Variants in OR4K13 observed in about 807,000 individuals in gnomAD.
The protein encoded by OR4K13 is olfactory receptor 4K13.
For synonymous variants in OR4K13, 160 were observed against 134.8 expected (o/e 1.19, Z -1.30); for missense variants, 403 against 366.0 (o/e 1.10, Z -0.82).
rs552941006 is a variant in OR4K13, at chr14:20,034,209, C to G, written c.550G>C (p.Val184Leu). The change falls in exon 2 of 2, where the codon GTG (valine) becomes CTG (leucine). Residue 184 changes from valine to leucine, a missense_variant. Val to Leu is a conservative substitution (Grantham distance 32). Coordinates refer to ENST00000641904, the MANE Select transcript of OR4K13 (RefSeq NM_001004714.2). The part of the protein sequence containing the change: ...IDSFFCDLPL[V>L]IKLACKDTYI... The stretch of plus-strand genomic sequence containing the variant: ...GTGTCCTTGCAGGCAAGTTTAATCA[C>G]AAGGGGAAGGTCACAGAAAAAGCTG... 6.2e-7 allele frequency: 1 copy of G among 1,614,112 alleles called. No homozygotes were observed. Among genetic ancestry groups the G allele is most frequent in the African/African-American group, 1.3e-5 (1 of 75,050 alleles).
At chr14:20,035,512 GTTCA>G (rs1245308590) in intron 1 of OR4K13, 1 of 130,182 alleles carries the variant, frequency 7.7e-6, no homozygotes, top group African/African-American at 2.7e-5. Context: ...TATATAATTC[GTTCA>G]TTCAACATTT....
chr14:20,036,032 A>T lies in OR4K13; in HGVS notation c.-318T>A, dbSNP rs887155507. On this transcript the variant is annotated 5_prime_UTR_variant, in exon 1 of 2. Coordinates refer to ENST00000641904, the MANE Select transcript of OR4K13 (RefSeq NM_001004714.2). ...TCCTGTATCCCCATCAGTTATCTGCAATTTACTCTTCCAATCATCAGAAAC... is the reference window on the plus strand; with the variant it reads ...TCCTGTATCCCCATCAGTTATCTGCTATTTACTCTTCCAATCATCAGAAAC... 1 of 152,020 alleles carries T rather than the reference A, an allele frequency of 6.6e-6. No homozygotes were observed. Among genetic ancestry groups the T allele is most frequent in the Admixed American group, 6.6e-5 (1 of 15,236 alleles). 9.4% of individuals were successfully genotyped at this position (152,020 alleles called of 1,614,324 possible). A position where few individuals can be genotyped will look rare whatever the true frequency, so the allele number is the denominator to read the frequency against.
chr14:20,035,165 G>A (rs894908464), intron 1 of OR4K13, among the ~76,000 whole-genome samples, 184 bp from the exon 2 acceptor site: 26 of 152,034 alleles, frequency 1.7e-4, no homozygotes, highest in African/African-American at 4.1e-4. Flanking sequence ...ATATGGTATC[G>A]AATGCCTCTT....
Position 20,034,339 on chromosome 14 carries a change from C to A in OR4K13, c.420G>T (p.Val140=). Residue 140 remains valine (V), a synonymous_variant, in exon 2 of 2, where the codon GTG becomes GTT. Coordinates refer to ENST00000641904, the MANE Select transcript of OR4K13 (RefSeq NM_001004714.2). ...LHYMTIMSPR[V]LTGLLLSSYA... ...AGGAGGATAACAGTAGCCCAGTGAG[C>A]ACCCGTGGGCTCATGATGGTCATGT... The A allele has an allele frequency of 1.2e-6, 2 of 1,614,052 alleles. No homozygotes were observed. Among genetic ancestry groups the A allele is most frequent in the South Asian group, 1.1e-5 (1 of 91,078 alleles).
chr14:20,035,803 ACAAACTG>A (rs1251618113), intron 1 of OR4K13, 128 bp downstream of exon 1: 1 of 152,100 alleles, frequency 6.6e-6, no homozygotes, highest in African/African-American at 2.4e-5. Context: ...CATGCTTATT[ACAAACTG>A]GTTCTATTGG....
In OR4K13 at chr14:20,032,852, T is replaced by C. The variant is rs1275146897; in HGVS notation, c.*992A>G. ...TATATTTTCTATTATATGATCAGACTACATTTGACCTACCTCTCTATCTCA... is the reference window on the plus strand; with the variant it reads ...TATATTTTCTATTATATGATCAGACCACATTTGACCTACCTCTCTATCTCA... On this transcript the variant is annotated 3_prime_UTR_variant, in exon 2 of 2. Transcript: ENST00000641904. The C allele has an allele frequency of 1.3e-5, 2 of 152,234 alleles. No homozygotes were observed. Among genetic ancestry groups the C allele is most frequent in the Admixed American group, 1.3e-4 (2 of 15,274 alleles). 9.4% of individuals were successfully genotyped at this position (152,234 alleles called of 1,614,324 possible).
In OR4K13 at chr14:20,031,940, T is replaced by G. The variant is rs2138671878; in HGVS notation, c.*1904A>C. ...TGCCTTTAACAGACCATTCCCCGTT[T>G]GGGGGCTAAGTAAAGGAGTTTAAGA... On this transcript the variant is annotated 3_prime_UTR_variant, in exon 2 of 2. Transcript: ENST00000641904. The G allele has an allele frequency of 6.6e-6, 1 of 152,328 alleles. No individual in the cohort carries two copies. The highest frequency in any genetic ancestry group is 1.5e-5 in the Non-Finnish European group (1 of 68,072). 9.4% of individuals were successfully genotyped at this position (152,328 alleles called of 1,614,324 possible).
In OR4K13 at chr14:20,030,093, C is replaced by T. The variant is rs962117364; in HGVS notation, c.*3751G>A. On this transcript the variant is annotated 3_prime_UTR_variant, in exon 2 of 2. Transcript: ENST00000641904. Reference sequence around the variant, plus strand: ...TATGACAATCTTGAAAAAGCAAACTCTAAGAGCACAGTCAGATGGCTACTG... The same window carrying T: ...TATGACAATCTTGAAAAAGCAAACTTTAAGAGCACAGTCAGATGGCTACTG... 6.6e-6 allele frequency: 1 copy of T among 152,010 alleles called. No individual in the cohort carries two copies. Among genetic ancestry groups the T allele is most frequent in the African/African-American group, 2.4e-5 (1 of 41,386 alleles). 9.4% of individuals were successfully genotyped at this position (152,010 alleles called of 1,614,324 possible).
chr14:20,035,407 A>C (rs1356598733), intron 1 of OR4K13, among the ~76,000 whole-genome samples: 1 of 151,438 alleles, frequency 6.6e-6, no homozygotes, highest in Admixed American at 6.6e-5. Flanking sequence ...CAGTATTAGC[A>C]GTAGTCACTA....
chr14:20,032,499 C>G lies in OR4K13; in HGVS notation c.*1345G>C, dbSNP rs181806921. ...GTACTCAATGTTTTATCTTCTGTCT[C>G]TGGAATGGCTTTTCTGGATACTAGG... On this transcript the variant is annotated 3_prime_UTR_variant, in exon 2 of 2. Coordinates refer to ENST00000641904, the MANE Select transcript of OR4K13 (RefSeq NM_001004714.2). The G allele has an allele frequency of 4.9e-4, 74 of 152,296 alleles. No homozygotes were observed. Among genetic ancestry groups the G allele is most frequent in the African/African-American group, 1.6e-3 (66 of 41,570 alleles). The allele number at this position is 152,296 out of a possible 1,614,324, so 9.4% of individuals were successfully genotyped here.
In OR4K13 at chr14:20,034,125, G is replaced by A. The variant is rs1207645234; in HGVS notation, c.634C>T (p.Leu212Phe). The part of the protein sequence containing the change: ...DSGLLSLVCF[L>F]LLLVSYGVII... ...ACTCCATAGGAGACAAGCAAGAGGAGGAAGCAGACCAGTGACAGGAGCCCA... is the reference window on the plus strand; with the variant it reads ...ACTCCATAGGAGACAAGCAAGAGGAAGAAGCAGACCAGTGACAGGAGCCCA... Residue 212 changes from leucine to phenylalanine, a missense_variant, in exon 2 of 2, where the codon CTC (leucine) becomes TTC (phenylalanine). By Grantham distance (22) the Leu-to-Phe change is conservative. Coordinates refer to ENST00000641904, the MANE Select transcript of OR4K13 (RefSeq NM_001004714.2). 6.2e-7 allele frequency: 1 copy of A among 1,614,106 alleles called. No homozygotes were observed. The highest frequency in any genetic ancestry group is 1.7e-5 in the Admixed American group (1 of 59,984).
In OR4K13 at chr14:20,033,948, G is replaced by C; in HGVS notation, c.811C>G (p.Leu271Val). The C allele has an allele frequency of 6.2e-7, 1 of 1,612,292 alleles. No individual in the cohort carries two copies. Among genetic ancestry groups the C allele is most frequent in the Non-Finnish European group, 8.5e-7 (1 of 1,178,496 alleles). ...PFSRYSVDKI[L>V]SVFYTIFTPL... ...GTGAAAATTGTGTAAAACACAGAAA[G>C]AATTTTATCTACCGAGTATCTGCTG... Residue 271 changes from leucine (L) to valine (V), a missense_variant, in exon 2 of 2, where the codon CTT becomes GTT. Leu to Val is a conservative substitution (Grantham distance 32). Transcript: ENST00000641904.
At position 20,030,099 on chromosome 14, in the gene OR4K13, GCA is replaced by G. The variant is rs994890938; in HGVS notation, c.*3743_*3744del. The G allele has an allele frequency of 3.3e-5, 5 of 152,062 alleles. No homozygotes were observed. The highest frequency in any genetic ancestry group is 9.7e-5 in the African/African-American group (4 of 41,424). 9.4% of individuals were successfully genotyped at this position (152,062 alleles called of 1,614,324 possible). ...AATCTTGAAAAAGCAAACTCTAAGAGCACAGTCAGATGGCTACTGTCAAGGAC... is the reference window on the plus strand; with the variant it reads ...AATCTTGAAAAAGCAAACTCTAAGAGCAGTCAGATGGCTACTGTCAAGGAC... On this transcript the variant is annotated 3_prime_UTR_variant, in exon 2 of 2. Coordinates refer to ENST00000641904, the MANE Select transcript of OR4K13 (RefSeq NM_001004714.2).
rs943942166 is a variant in OR4K13 at position 20,036,007 on chromosome 14, T to A, written c.-293A>T. ...CCAGGAATGGCCTTTTATCTCCTTT[T>A]CCTGTATCCCCATCAGTTATCTGCA... On this transcript the variant is annotated 5_prime_UTR_variant, in exon 1 of 2. Transcript: ENST00000641904. 5 of 152,104 alleles carry A rather than the reference T, an allele frequency of 3.3e-5. No homozygotes were observed. Among genetic ancestry groups the A allele is most frequent in the Non-Finnish European group, 4.4e-5 (3 of 68,000 alleles). 9.4% of individuals were successfully genotyped at this position (152,104 alleles called of 1,614,324 possible).
chr14:20,034,872 C>T lies in OR4K13; in HGVS notation c.-114G>A. 1.2e-6 allele frequency: 1 copy of T among 869,292 alleles called. No individual in the cohort carries two copies. Among genetic ancestry groups the T allele is most frequent in the Non-Finnish European group, 1.7e-6 (1 of 576,906 alleles). 53.8% of individuals were successfully genotyped at this position (869,292 alleles called of 1,614,324 possible). ...GTCCACATTTGGTACTCAGTCAAGG[C>T]ACTTGAACTTACAAGGACCCTTACT... On this transcript the variant is annotated 5_prime_UTR_variant, in exon 2 of 2. Coordinates refer to ENST00000641904, the MANE Select transcript of OR4K13 (RefSeq NM_001004714.2).
chr14:20,034,209 C>A lies in OR4K13; in HGVS notation c.550G>T (p.Val184Leu), dbSNP rs552941006. The change falls in exon 2 of 2, where the codon GTG becomes TTG. Residue 184 changes from valine to leucine, a missense_variant. Physicochemically the swap from Val to Leu is conservative, Grantham distance 32 (BLOSUM62 1). Coordinates refer to ENST00000641904, the MANE Select transcript of OR4K13 (RefSeq NM_001004714.2). ...GTGTCCTTGCAGGCAAGTTTAATCA[C>A]AAGGGGAAGGTCACAGAAAAAGCTG... Reference protein sequence around the residue: ...IDSFFCDLPLVIKLACKDTYI... With the variant: ...IDSFFCDLPLLIKLACKDTYI... The A allele has an allele frequency of 2.5e-6, 4 of 1,614,112 alleles. No homozygotes were observed. Among genetic ancestry groups the A allele is most frequent in the Middle Eastern group, 1.6e-4 (1 of 6,062 alleles).
At position 20,033,961 on chromosome 14, in the gene OR4K13, C is replaced by G. The variant is rs17277032; in HGVS notation, c.798G>C (p.Ser266=). 6.2e-7 allele frequency: 1 copy of G among 1,611,220 alleles called. No individual in the cohort carries two copies. Among genetic ancestry groups the G allele is most frequent in the African/African-American group, 1.3e-5 (1 of 74,694 alleles). ...FIYVWPFSRY[S]VDKILSVFYT... ...AAAACACAGAAAGAATTTTATCTAC[C>G]GAGTATCTGCTGAAGGGCCAGACGT... Residue 266 remains serine, a synonymous_variant, in exon 2 of 2, where the codon TCG becomes TCC. Transcript: ENST00000641904.
rs199523065 is a variant in OR4K13, at chr14:20,033,873, C to A, written c.886G>T (p.Ala296Ser). Reference protein sequence around the residue: ...IYTLRNQEVKAAIKKRLCI With the variant: ...IYTLRNQEVKSAIKKRLCI ...ATGCAGAGTCTTTTTTTAATGGCTGCTTTTACCTCTTGATTTCTTAATGTA... is the reference window on the plus strand; with the variant it reads ...ATGCAGAGTCTTTTTTTAATGGCTGATTTTACCTCTTGATTTCTTAATGTA... Residue 296 changes from alanine to serine, a missense_variant, in exon 2 of 2, where the codon GCA becomes TCA. Ala to Ser is a moderately conservative substitution (Grantham distance 99). Coordinates refer to ENST00000641904, the MANE Select transcript of OR4K13 (RefSeq NM_001004714.2). 1.9e-6 allele frequency: 3 copies of A among 1,546,862 alleles called. No homozygotes were observed. Among genetic ancestry groups the A allele is most frequent in the Non-Finnish European group, 2.7e-6 (3 of 1,126,672 alleles).
Position 20,034,871 on chromosome 14 carries a change from G to C in OR4K13, c.-113C>G. The stretch of plus-strand genomic sequence containing the variant: ...TGTCCACATTTGGTACTCAGTCAAG[G>C]CACTTGAACTTACAAGGACCCTTAC... On this transcript the variant is annotated 5_prime_UTR_variant, in exon 2 of 2. Coordinates refer to ENST00000641904, the MANE Select transcript of OR4K13 (RefSeq NM_001004714.2). The C allele has an allele frequency of 2.3e-6, 2 of 885,886 alleles. No homozygotes were observed. Among genetic ancestry groups the C allele is most frequent in the Non-Finnish European group, 3.4e-6 (2 of 591,812 alleles). The allele number at this position is 885,886 out of a possible 1,614,324, so 54.9% of individuals were successfully genotyped here.
Sources: gnomAD v4.1 joint callset for allele counts (sites outside exome capture counted in the v4.1 genomes callset) on GRCh38, gnomAD v4.1.1 for gene constraint, MANE v1.5 for transcripts, NCBI Gene and HGNC (gene_info 2026-07-23, HGNC 2026-07-21) for gene names.